Variants in STN1 observed in about 807,000 individuals in gnomAD.
STN1 encodes STN1 subunit of CST complex.
In STN1, 29 loss-of-function variants were observed where a neutral mutation model predicts 45.5. The observed-to-expected ratio is 0.64, with a 90% CI of 0.47 to 0.87. The LOEUF (loss-of-function observed/expected upper bound fraction) is 0.87, where lower values mean the gene tolerates loss of function less well. STN1 is among the 40% of genes least tolerant of loss of function. The pLI is 0.00. For missense variants in STN1, 376 were observed against 441.4 expected (o/e 0.85, Z 1.33); for synonymous variants, 148 against 159.0 (o/e 0.93, Z 0.52).
chr10:103,909,418 A>G lies in STN1; in HGVS notation c.229+1109T>C, dbSNP rs1372914279. On this transcript the variant is annotated intron_variant, in intron 3 of 9. Coordinates refer to ENST00000224950, the MANE Select transcript of STN1 (RefSeq NM_024928.5). ...TATATGTATATATATGTATATATGT[A>G]TATATGTATATATATGTATATATAT... Among the ~76,000 whole-genome samples the G allele has an allele frequency of 1.0e-4, 4 of 39,536 alleles. 1 individual carries two copies. The highest frequency in any genetic ancestry group is 4.6e-4 in the East Asian group (1 of 2,168). 25.9% of individuals were successfully genotyped at this position (39,536 alleles called of 152,430 possible). A position where few individuals can be genotyped will look rare whatever the true frequency, so the allele number is the denominator to read the frequency against.
At chr10:103,915,021 G>C (rs1326804676) in intron 2 of STN1, among the ~76,000 whole-genome samples, 1 of 152,180 alleles carries the variant, frequency 6.6e-6, no homozygotes, top group East Asian at 1.9e-4. Flanking sequence ...CAGGACTCAG[G>C]AAGGTGCTAT....
chr10:103,894,374 A>G (rs1052430463), intron 7 of STN1, among the ~76,000 whole-genome samples: 8 of 152,194 alleles, frequency 5.3e-5, no homozygotes, highest in Non-Finnish European at 1.0e-4. Flanking sequence ...TTTCAGTCAG[A>G]TCAAGCAGCA....
intron 7 of STN1, among the ~76,000 whole-genome samples, chr10:103,893,403 C>T (rs764087946): frequency 3.9e-5 from 6 of 152,124 alleles, no homozygotes; most frequent in South Asian, 2.1e-4. Context: ...CTCCCGACCT[C>T]GTGATCCACC....
intron 9 of STN1, among the ~76,000 whole-genome samples, chr10:103,883,260 G>A (rs1052609699): frequency 2.0e-5 from 3 of 152,122 alleles, no homozygotes; most frequent in African/African-American, 7.2e-5. Flanking sequence ...TGCAGCCTCC[G>A]TATGCTTCCC....
chr10:103,900,585 G>T (rs897950730), intron 4 of STN1, among the ~76,000 whole-genome samples: 1 of 152,072 alleles, frequency 6.6e-6, no homozygotes, highest in African/African-American at 2.4e-5. Flanking sequence ...GGCAGCAATA[G>T]CTTTAAACAA....
chr10:103,886,127 A>C (rs1454812836), intron 9 of STN1, among the ~76,000 whole-genome samples: 1 of 152,228 alleles, frequency 6.6e-6, no homozygotes. Flanking sequence ...TATGGTACTC[A>C]GTTTCTACCA....
chr10:103,916,707 C>G (rs9420907), intron 2 of STN1, among the ~76,000 whole-genome samples: 1 of 151,676 alleles, frequency 6.6e-6, no homozygotes, highest in Non-Finnish European at 1.5e-5. Context: ...TACACAGCTA[C>G]GTGAATTATT....
rs1431871210 is a variant in STN1, at chr10:103,887,333, G to GT, written c.949+1738dup. Among the ~76,000 whole-genome samples the GT allele has an allele frequency of 7.2e-5, 11 of 152,314 alleles. No homozygotes were observed. The East Asian group carries it at 2.1e-3, about 29-fold the overall frequency. Reference sequence around the variant, plus strand: ...CAAGGATAAATAATATGATATGTTTGTAAGTGCATATCTGTATAGTTTATC... The same window carrying GT: ...CAAGGATAAATAATATGATATGTTTGTTAAGTGCATATCTGTATAGTTTATC... On this transcript the variant is annotated intron_variant, in intron 9 of 9. Coordinates refer to ENST00000224950, the MANE Select transcript of STN1 (RefSeq NM_024928.5).
Position 103,905,076 on chromosome 10 carries a change from GGCAAATAAAA to G in STN1, c.295+5_295+14del, listed in dbSNP as rs1190502530. 5 of 1,609,120 alleles carry G rather than the reference GGCAAATAAAA, an allele frequency of 3.1e-6. No individual in the cohort carries two copies. The highest frequency in any genetic ancestry group is 4.3e-6 in the Non-Finnish European group (5 of 1,175,498). On this transcript the variant is annotated splice_donor_5th_base_variant and intron_variant, in intron 4 of 9. Transcript: ENST00000224950. The stretch of plus-strand genomic sequence containing the variant: ...AGTTAGGTGAAAAGTAAAGGAATGT[GGCAAATAAAA>G]TTACCTGATACAGACTCAGTATTCA...
At chr10:103,894,760 C>T (rs1843160950) in intron 7 of STN1, among the ~76,000 whole-genome samples, 2 of 151,390 alleles carry the variant, frequency 1.3e-5, no homozygotes, top group African/African-American at 4.9e-5. Context: ...CTTTACCAAG[C>T]CTCGCCTCAT....
intron 5 of STN1, among the ~76,000 whole-genome samples, 153 bp from the exon 6 acceptor site, chr10:103,899,153 C>G (rs1589499569): frequency 6.6e-6 from 1 of 152,190 alleles, no homozygotes; most frequent in Admixed American, 6.5e-5. Flanking sequence ...AGTCTAGATG[C>G]ACTAAATGGC....
chr10:103,909,367 T>A (rs10883949), intron 3 of STN1, among the ~76,000 whole-genome samples: 11,703 of 75,696 alleles, frequency 0.15, 1,970 homozygotes, highest in African/African-American at 0.28. Flanking sequence ...AAAAAAAAAA[T>A]ATATATATAT....
At chr10:103,890,027 T>C (rs1843129423) in intron 8 of STN1, among the ~76,000 whole-genome samples, 1 of 151,212 alleles carries the variant, frequency 6.6e-6, no homozygotes, top group South Asian at 2.1e-4. Flanking sequence ...TTTAACCAGC[T>C]CAGATTAAGA....
chr10:103,902,558 T>C (rs2134368674), intron 4 of STN1, among the ~76,000 whole-genome samples: 1 of 152,356 alleles, frequency 6.6e-6, no homozygotes, highest in East Asian at 1.9e-4. Flanking sequence ...TATTCCATCA[T>C]GAAAGATAAA....
chr10:103,910,532 T>C lies in STN1; in HGVS notation c.224A>G (p.Tyr75Cys). 1 of 1,594,846 alleles carries C rather than the reference T, an allele frequency of 6.3e-7. No individual in the cohort carries two copies. The highest frequency in any genetic ancestry group is 8.6e-7 in the Non-Finnish European group (1 of 1,162,806). ...GVRERDAFYS[Y>C]GVDDSTGVIN... Reference sequence around the variant, plus strand: ...TCAGACACAATTGTTCTTACCTCCATAACTGTAGAAAGCATCTCTTTCTCT... The same window carrying C: ...TCAGACACAATTGTTCTTACCTCCACAACTGTAGAAAGCATCTCTTTCTCT... The change falls in exon 3 of 10, where the codon TAT (tyrosine) becomes TGT (cysteine). Residue 75 changes from tyrosine (Y) to cysteine (C), a missense_variant. Tyr to Cys is a radical substitution (Grantham distance 194). Coordinates refer to ENST00000224950, the MANE Select transcript of STN1 (RefSeq NM_024928.5).
At chr10:103,916,482 A>T (rs1253551482) in intron 2 of STN1, among the ~76,000 whole-genome samples, 3 of 152,254 alleles carry the variant, frequency 2.0e-5, no homozygotes, top group Non-Finnish European at 4.4e-5. Context: ...AAAAGGCATT[A>T]GCATAAGGTC....
chr10:103,909,246 A>T (rs993835443), intron 3 of STN1, among the ~76,000 whole-genome samples: 5 of 150,632 alleles, frequency 3.3e-5, no homozygotes, highest in Non-Finnish European at 5.9e-5. Flanking sequence ...GAACTTAGTA[A>T]ATATTTGTTG....
intron 3 of STN1, among the ~76,000 whole-genome samples, chr10:103,909,462 A>ATATATGTG (rs1235767035): frequency 1.9e-5 from 2 of 102,730 alleles, no homozygotes; most frequent in African/African-American, 8.3e-5. Flanking sequence ...GTATATATGT[A>ATATATGTG]TATATATGTA....
intron 7 of STN1, among the ~76,000 whole-genome samples, chr10:103,896,319 T>C (rs917307314): frequency 2.6e-5 from 4 of 151,730 alleles, no homozygotes; most frequent in Non-Finnish European, 5.9e-5. Flanking sequence ...AGCAAACAAA[T>C]AAAGACCAGT....
Sources: gnomAD v4.1 joint callset for allele counts (sites outside exome capture counted in the v4.1 genomes callset) on GRCh38, gnomAD v4.1.1 for gene constraint, MANE v1.5 for transcripts, NCBI Gene and HGNC (gene_info 2026-07-23, HGNC 2026-07-21) for gene names.